CBX2: variants seen among roughly 807,000 people sequenced by gnomAD.
CBX2 encodes chromobox 2, also known as chromobox protein homolog 2.
In CBX2, 11 loss-of-function variants were observed where a neutral mutation model predicts 21.0. The observed-to-expected ratio is 0.52, with a 90% CI of 0.33 to 0.87. The LOEUF (loss-of-function observed/expected upper bound fraction) is 0.87, where lower values mean the gene tolerates loss of function less well. Ranked by LOEUF, CBX2 falls within the 40% of genes least tolerant of loss-of-function variation. The pLI, the probability that CBX2 is intolerant of heterozygous loss-of-function variation, is 0.02. For missense variants in CBX2, 746 were observed against 724.3 expected (o/e 1.03, Z -0.34); for synonymous variants, 364 against 304.6 (o/e 1.19, Z -2.03).
In CBX2 at chr17:79,781,085, G is replaced by A. The variant is rs568780923; in HGVS notation, c.183-611G>A. Among the ~76,000 whole-genome samples, 122 of 152,138 alleles carry A rather than the reference G, an allele frequency of 8.0e-4. 1 individual carries two copies. Among genetic ancestry groups the A allele is most frequent in the Admixed American group, 5.4e-3 (82 of 15,286 alleles). Reference sequence around the variant, plus strand: ...GCGGGGGGGGTACTGCGAGTGGTGCGTGCATTGAGCCTTGCCTGCCTCAGA... The same window carrying A: ...GCGGGGGGGGTACTGCGAGTGGTGCATGCATTGAGCCTTGCCTGCCTCAGA... On this transcript the variant is annotated intron_variant, in intron 3 of 4. Transcript: ENST00000310942.
rs782164371 is a variant in CBX2 at position 79,779,401 on chromosome 17, G to A, written c.156G>A (p.Pro52=). 36 of 1,613,886 alleles carry A rather than the reference G, an allele frequency of 2.2e-5. No homozygotes were observed. The highest frequency in any genetic ancestry group is 2.8e-5 in the Non-Finnish European group (33 of 1,179,982). ...SWEPEENILD[P]RLLLAFQKKE... is the part of the protein sequence containing the mutation. ...AGCCGGAGGAGAACATCCTGGACCC[G>A]AGGCTGCTCCTGGCCTTCCAGAAGA... The change falls in exon 3 of 5, where the codon CCG becomes CCA. Residue 52 remains proline, a synonymous_variant. Transcript: ENST00000310942.
At chr17:79,783,110 C>G (rs761303464) in intron 4 of CBX2, among the ~76,000 whole-genome samples, 2 of 152,172 alleles carry the variant, frequency 1.3e-5, no homozygotes, top group South Asian at 2.1e-4. Flanking sequence ...CTCTACAGCC[C>G]GGAGCTAAAT....
At position 79,784,891 on chromosome 17, in the gene CBX2, C is replaced by T. The variant is rs369849454; in HGVS notation, c.1448C>T (p.Pro483Leu). The change falls in exon 5 of 5, where the codon CCG becomes CTG. Residue 483 changes from proline to leucine, a missense_variant. Transcript: ENST00000310942. This position sits in a 1 kb window ranked among gnomAD's most constrained non-coding sequence, Gnocchi z 5.9. ...SASPPSTGQN[P>L]SVSVQTSQDW... ...TCGCCGCCCAGCACTGGACAGAACC[C>T]GTCAGTGTCCGTTCAGACCAGCCAG... 89 of 1,613,388 alleles carry T rather than the reference C, an allele frequency of 5.5e-5. No individual in the cohort carries two copies. Among genetic ancestry groups the T allele is most frequent in the South Asian group, 3.6e-4 (33 of 91,088 alleles).
Position 79,786,998 on chromosome 17 carries a change from G to A in CBX2, c.*1956G>A, listed in dbSNP as rs1256731906. On this transcript the variant is annotated 3_prime_UTR_variant, in exon 5 of 5. Coordinates refer to ENST00000310942, the MANE Select transcript of CBX2 (RefSeq NM_005189.3). Reference sequence around the variant, plus strand: ...CAGCAGGAATGGTGCCCACCTCGGCGAATTGAAGGGCTAAGAGTCCCAGAT... The same window carrying A: ...CAGCAGGAATGGTGCCCACCTCGGCAAATTGAAGGGCTAAGAGTCCCAGAT... The A allele has an allele frequency of 2.0e-5, 3 of 152,698 alleles. No individual in the cohort carries two copies. Among genetic ancestry groups the A allele is most frequent in the African/African-American group, 2.4e-5 (1 of 41,474 alleles). The allele number at this position is 152,698 out of a possible 1,614,324, so 9.5% of individuals were successfully genotyped here. A position where few individuals can be genotyped will look rare whatever the true frequency, so the allele number is the denominator to read the frequency against.
upstream of CBX2, among the ~76,000 whole-genome samples, chr17:79,777,666 G>T (rs1906816546): frequency 6.6e-6 from 1 of 152,060 alleles, no homozygotes; most frequent in African/African-American, 2.4e-5. Flanking sequence ...CCGAGGAAAA[G>T]CCAGTTCAAG....
chr17:79,782,714 T>A (rs1317639181), intron 4 of CBX2, among the ~76,000 whole-genome samples: 1 of 152,208 alleles, frequency 6.6e-6, no homozygotes, highest in Non-Finnish European at 1.5e-5. Flanking sequence ...TTCTGCTGAC[T>A]GAGGAGTGGC....
intron 3 of CBX2, among the ~76,000 whole-genome samples, chr17:79,780,211 G>C (rs1213778666): frequency 2.6e-5 from 4 of 152,260 alleles, no homozygotes; most frequent in Non-Finnish European, 5.9e-5. Context: ...GGCTGGACTT[G>C]CCCTGTGGAT....
At position 79,784,692 on chromosome 17, in the gene CBX2, A is replaced by G; in HGVS notation, c.1249A>G (p.Arg417Gly). Residue 417 changes from arginine (R) to glycine (G), a missense_variant, in exon 5 of 5, where the codon AGA becomes GGA. By Grantham distance (125) the Arg-to-Gly change is moderately radical. Coordinates refer to ENST00000310942, the MANE Select transcript of CBX2 (RefSeq NM_005189.3). The surrounding 1 kb of genome is among the most constrained non-coding windows in gnomAD (Gnocchi z 5.9). ...AAGCAAAAGTGAGAAGCTGGCTTCC[A>G]GAGCAGTGGCGCCACCCACCCCTGC... ...DTSKSEKLAS[R>G]AVAPPTPASK... 1 of 1,611,846 alleles carries G rather than the reference A, an allele frequency of 6.2e-7. No homozygotes were observed. The highest frequency in any genetic ancestry group is 8.5e-7 in the Non-Finnish European group (1 of 1,179,636).
intron 3 of CBX2, 117 bp from the exon 4 acceptor site, chr17:79,781,578 CA>C: frequency 1.1e-6 from 1 of 886,298 alleles, no homozygotes. Flanking sequence ...GTGTTTGCGG[CA>C]AACAGGATAA....
intron 3 of CBX2, among the ~76,000 whole-genome samples, chr17:79,781,075 C>G (rs1013249919): frequency 6.6e-6 from 1 of 151,856 alleles, no homozygotes; most frequent in Admixed American, 6.6e-5. Context: ...GGGGGTACTG[C>G]GAGTGGTGCG....
chr17:79,784,451 G>A lies in CBX2; in HGVS notation c.1008G>A (p.Val336=). The change falls in exon 5 of 5, where the codon GTG becomes GTA. Residue 336 remains valine (V), a synonymous_variant. Coordinates refer to ENST00000310942, the MANE Select transcript of CBX2 (RefSeq NM_005189.3). The surrounding 1 kb of genome is among the most constrained non-coding windows in gnomAD (Gnocchi z 5.9). ...GPPHTHGASR[V]PAGCPGPQPA... ...CGCACACCCATGGTGCCAGCAGGGTGCCTGCTGGGTGCCCAGGCCCCCAGC... is the reference window on the plus strand; with the variant it reads ...CGCACACCCATGGTGCCAGCAGGGTACCTGCTGGGTGCCCAGGCCCCCAGC... 1 of 1,612,006 alleles carries A rather than the reference G, an allele frequency of 6.2e-7. No individual in the cohort carries two copies. Among genetic ancestry groups the A allele is most frequent in the Non-Finnish European group, 8.5e-7 (1 of 1,179,600 alleles).
chr17:79,777,657 C>G (rs1439799093), upstream of CBX2, among the ~76,000 whole-genome samples: 1 of 152,062 alleles, frequency 6.6e-6, no homozygotes, highest in Admixed American at 6.5e-5. Context: ...CCCCCGCTGC[C>G]GAGGAAAAGC....
intron 4 of CBX2, chr17:79,782,476 G>A: frequency 8.2e-7 from 1 of 1,222,870 alleles, no homozygotes; most frequent in Non-Finnish European, 1.0e-6. Flanking sequence ...TGGGGGAGGA[G>A]GGCCTGGCCT....
chr17:79,781,311 C>G (rs1370493373), intron 3 of CBX2, among the ~76,000 whole-genome samples: 1 of 152,192 alleles, frequency 6.6e-6, no homozygotes, highest in Admixed American at 6.5e-5. Flanking sequence ...TTGTCCTGGG[C>G]TTCCTTCTCC....
rs782029867 is a variant in CBX2, at chr17:79,785,012, C to T, written c.1569C>T (p.Ser523=). The T allele has an allele frequency of 9.4e-6, 15 of 1,602,400 alleles. No homozygotes were observed. The highest frequency in any genetic ancestry group is 7.7e-5 in the South Asian group (7 of 91,088). ...ITVTVKESPT[S]VGFFNLRHY is the part of the protein sequence containing the mutation. ...TCACAGTGAAGGAGTCTCCCACCAG[C>T]GTGGGCTTCTTCAACCTGAGGCATT... Residue 523 remains serine, a synonymous_variant, in exon 5 of 5, where the codon AGC becomes AGT. Coordinates refer to ENST00000310942, the MANE Select transcript of CBX2 (RefSeq NM_005189.3).
chr17:79,782,000 TCCTC>T (rs1368860431), intron 4 of CBX2, 199 bp downstream of exon 4: 1 of 1,613,882 alleles, frequency 6.2e-7, no homozygotes, highest in East Asian at 2.2e-5. Flanking sequence ...GGCTGAGAGT[TCCTC>T]CCCGCCCCTC....
At chr17:79,780,159 A>G (rs1555829909) in intron 3 of CBX2, among the ~76,000 whole-genome samples, 1 of 152,234 alleles carries the variant, frequency 6.6e-6, no homozygotes, top group Admixed American at 6.5e-5. Context: ...AGCAATGGCA[A>G]GATGGGGGGT....
At chr17:79,777,965 C>G (rs1313577741), upstream of CBX2, among the ~76,000 whole-genome samples, 3 of 145,116 alleles carry the variant, frequency 2.1e-5, no homozygotes, top group East Asian at 6.0e-4. Context: ...GCGGGACCCC[C>G]CGCCGGAGCG....
In CBX2 at chr17:79,781,709, G is replaced by A. The variant is rs1555830263; in HGVS notation, c.196G>A (p.Glu66Lys). ...GTGTGCCTTCAGGGAACATGAGAAG[G>A]AGGTGCAGAACCGGAAGAGAGGCAA... The part of the protein sequence containing the change: ...LAFQKKEHEK[E>K]VQNRKRGKRP... Residue 66 changes from glutamate (E) to lysine (K), a missense_variant, in exon 4 of 5, where the codon GAG becomes AAG. Physicochemically the swap from Glu to Lys is moderately conservative, Grantham distance 56 (BLOSUM62 1). Coordinates refer to ENST00000310942, the MANE Select transcript of CBX2 (RefSeq NM_005189.3). 1 of 1,613,978 alleles carries A rather than the reference G, an allele frequency of 6.2e-7. No individual in the cohort carries two copies. Among genetic ancestry groups the A allele is most frequent in the Non-Finnish European group, 8.5e-7 (1 of 1,179,956 alleles).
Sources: allele counts gnomAD v4.1 joint callset (sites outside exome capture counted in the v4.1 genomes callset), GRCh38; gene constraint gnomAD v4.1.1; non-coding constraint Gnocchi (gnomAD v3.1); transcripts MANE v1.5; gene names NCBI Gene and HGNC (gene_info 2026-07-23, HGNC 2026-07-21).